The following CCDC62 variants were observed in gnomAD, a reference collection of about 807,000 sequenced individuals.
CCDC62 encodes coiled-coil domain containing 62, also known as coiled-coil domain-containing protein 62.
Under a neutral mutation model 80.8 loss-of-function variants are expected in CCDC62, and 72 were observed. That is an observed-to-expected ratio of 0.89 (90% CI 0.74 to 1.08). The LOEUF is 1.08. Ranked by LOEUF, CCDC62 falls within the 50% of genes least tolerant of loss-of-function variation. CCDC62 has a pLI of 0.00. For missense variants in CCDC62, 704 were observed against 809.4 expected (o/e 0.87, Z 1.58); for synonymous variants, 286 against 296.5 (o/e 0.96, Z 0.36).
Position 122,781,244 on chromosome 12 carries a change from C to T in CCDC62, c.310C>T (p.Gln104Ter). 6.2e-7 allele frequency: 1 copy of T among 1,613,750 alleles called. No individual in the cohort carries two copies. The highest frequency in any genetic ancestry group is 8.5e-7 in the Non-Finnish European group (1 of 1,179,702). ...TCTTGAATCCAATCAAATGGAATGCCAAACAGCTCTCCAAAAGACCCAACT... is the reference window on the plus strand; with the variant it reads ...TCTTGAATCCAATCAAATGGAATGCTAAACAGCTCTCCAAAAGACCCAACT... ...KALESNQMEC[Q>*]TALQKTQLQL... is the part of the protein sequence containing the mutation. Residue 104 changes from glutamine (Q) to a stop codon, truncating the protein, a stop_gained, in exon 3 of 13, where the codon CAA becomes TAA. Transcript: ENST00000253079. LOFTEE classifies it high-confidence loss of function.
At position 122,812,756 on chromosome 12, in the gene CCDC62, GGAGAGAGA is replaced by G. The variant is rs551370561; in HGVS notation, c.1852-497_1852-490del. On this transcript the variant is annotated intron_variant, in intron 10 of 12. Coordinates refer to ENST00000253079, the MANE Select transcript of CCDC62 (RefSeq NM_201435.5). ...AAAAAAGAAAGAGAGAGAGAGGGAG[GGAGAGAGA>G]GAGAGAGAGAGAGAGAAAGAAAGAA... Among the ~76,000 whole-genome samples the G allele has an allele frequency of 9.0e-5, 8 of 88,838 alleles. No individual in the cohort carries two copies. In the East Asian group the frequency reaches 1.0e-3, roughly 11 times the overall value. 58.3% of individuals were successfully genotyped at this position (88,838 alleles called of 152,430 possible).
chr12:122,817,303 A>C (rs1052868501), intron 11 of CCDC62, among the ~76,000 whole-genome samples: 1 of 147,906 alleles, frequency 6.8e-6, no homozygotes, highest in Non-Finnish European at 1.5e-5. Context: ...CTTGTGATCC[A>C]CCCGCCTCGG....
chr12:122,818,651 A>G (rs956586238), intron 11 of CCDC62, among the ~76,000 whole-genome samples: 13 of 150,860 alleles, frequency 8.6e-5, no homozygotes, highest in Admixed American at 6.6e-5. Context: ...AGCTGGGTGC[A>G]GTGACTCACA....
rs891039924 is a variant in CCDC62, at chr12:122,782,222, C to T, written c.396+892C>T. 2.0e-5 allele frequency among the ~76,000 whole-genome samples: 3 copies of T among 152,096 alleles called. No homozygotes were observed. The South Asian group carries it at 6.2e-4, about 32-fold the overall frequency. On this transcript the variant is annotated intron_variant, in intron 3 of 12. Transcript: ENST00000253079. Reference sequence around the variant, plus strand: ...ATGCAAAAATGCATACGTGTGTGTACGAAGGTATCTACACTCATCCACCCC... The same window carrying T: ...ATGCAAAAATGCATACGTGTGTGTATGAAGGTATCTACACTCATCCACCCC...
At position 122,801,738 on chromosome 12, in the gene CCDC62, A is replaced by G. The variant is rs1447819666; in HGVS notation, c.1592A>G (p.Asp531Gly). 12 of 1,614,186 alleles carry G rather than the reference A, an allele frequency of 7.4e-6. No homozygotes were observed. Among genetic ancestry groups the G allele is most frequent in the Non-Finnish European group, 1.0e-5 (12 of 1,180,032 alleles). ...FIIEAPGHMS[D>G]VEWMSIFKPS... ...ATTGAAGCCCCAGGCCACATGTCTG[A>G]CGTGGAGTGGATGAGTATTTTCAAG... The change falls in exon 9 of 13, where the codon GAC (aspartate) becomes GGC (glycine). Residue 531 changes from aspartate (D) to glycine (G), a missense_variant. Physicochemically the swap from Asp to Gly is moderately conservative, Grantham distance 94. Coordinates refer to ENST00000253079, the MANE Select transcript of CCDC62 (RefSeq NM_201435.5).
chr12:122,778,745 G>C (rs1879637162), intron 2 of CCDC62, among the ~76,000 whole-genome samples: 1 of 152,124 alleles, frequency 6.6e-6, no homozygotes, highest in South Asian at 2.1e-4. Context: ...GGGGCATGGT[G>C]GTGGGCGCCT....
At chr12:122,817,623 C>G (rs2032224273) in intron 11 of CCDC62, among the ~76,000 whole-genome samples, 1 of 152,132 alleles carries the variant, frequency 6.6e-6, no homozygotes, top group African/African-American at 2.4e-5. Flanking sequence ...TATGCCTGGC[C>G]CAAATTCACG....
At position 122,827,069 on chromosome 12, in the gene CCDC62, T is replaced by A. The variant is rs909788260; in HGVS notation, c.*688T>A. On this transcript the variant is annotated 3_prime_UTR_variant, in exon 13 of 13. Transcript: ENST00000253079. ...GAAGATCGAGTTTTAGACGCATTTT[T>A]AAAAATCTTAAAGACTAAAACACTT... 6 of 152,364 alleles carry A rather than the reference T, an allele frequency of 3.9e-5. No individual in the cohort carries two copies. Among genetic ancestry groups the A allele is most frequent in the African/African-American group, 9.6e-5 (4 of 41,588 alleles). 9.4% of individuals were successfully genotyped at this position (152,364 alleles called of 1,614,324 possible).
chr12:122,811,951 C>T (rs2031911367), intron 10 of CCDC62, among the ~76,000 whole-genome samples: 1 of 150,740 alleles, frequency 6.6e-6, no homozygotes, highest in African/African-American at 2.4e-5. Flanking sequence ...AACGAAGGCA[C>T]ATACCCACAT....
intron 10 of CCDC62, 107 bp from the exon 11 acceptor site, chr12:122,813,163 C>T (rs943997443): frequency 2.5e-6 from 3 of 1,221,794 alleles, no homozygotes; most frequent in Non-Finnish European, 3.4e-6. Flanking sequence ...TGCACTTCAG[C>T]CTGGGCGTCA....
At chr12:122,803,076 C>T (rs2135563230) in intron 9 of CCDC62, among the ~76,000 whole-genome samples, 1 of 152,120 alleles carries the variant, frequency 6.6e-6, no homozygotes, top group African/African-American at 2.4e-5. Flanking sequence ...GATGAGGTGA[C>T]ACGATATTGC....
intron 9 of CCDC62, among the ~76,000 whole-genome samples, chr12:122,804,846 C>T (rs896357830): frequency 6.6e-6 from 1 of 151,162 alleles, no homozygotes; most frequent in African/African-American, 2.4e-5. Flanking sequence ...TCCCAGGTAG[C>T]CAAGACTACG....
chr12:122,795,867 A>G (rs1382556901), intron 6 of CCDC62, among the ~76,000 whole-genome samples: 1 of 152,208 alleles, frequency 6.6e-6, no homozygotes, highest in Non-Finnish European at 1.5e-5. Flanking sequence ...CCCAGGCGGT[A>G]AAAGGCAGAG....
chr12:122,824,864 C>T (rs2032552314), intron 12 of CCDC62, among the ~76,000 whole-genome samples: 2 of 152,028 alleles, frequency 1.3e-5, no homozygotes, highest in African/African-American at 2.4e-5. Flanking sequence ...GCAGGCAGAT[C>T]ACCTGAGGTC....
At chr12:122,806,940 C>T (rs867437660) in intron 10 of CCDC62, among the ~76,000 whole-genome samples, 5 of 151,980 alleles carry the variant, frequency 3.3e-5, no homozygotes, top group Middle Eastern at 3.4e-3. Context: ...CTCAGCTGCC[C>T]CTTCCTCCAA....
chr12:122,799,935 G>A lies in CCDC62; in HGVS notation c.978-1189G>A, dbSNP rs935833735. On this transcript the variant is annotated intron_variant, in intron 8 of 12. Transcript: ENST00000253079. The stretch of plus-strand genomic sequence containing the variant: ...GTCCTAGCTGCTGCCGCTGCCACCA[G>A]ACACCAGACTAACTCAGAGCTCTCT... 3.0e-4 allele frequency among the ~76,000 whole-genome samples: 45 copies of A among 151,522 alleles called. 1 individual carries two copies. The highest frequency in any genetic ancestry group is 2.5e-3 in the Admixed American group (38 of 15,226).
intron 6 of CCDC62, among the ~76,000 whole-genome samples, chr12:122,793,798 G>A (rs926605502): frequency 7.9e-5 from 12 of 152,160 alleles, no homozygotes; most frequent in African/African-American, 2.9e-4. Context: ...TTAATCTCTT[G>A]TGATTAAAGA....
intron 6 of CCDC62, among the ~76,000 whole-genome samples, chr12:122,795,671 A>G (rs540675987): frequency 1.0e-3 from 159 of 151,858 alleles, no homozygotes; most frequent in Middle Eastern, 3.5e-3. Flanking sequence ...TGATCTGCCC[A>G]CCTTGGCCTC....
At chr12:122,781,421 C>T (rs1879856328) in intron 3 of CCDC62, 91 bp downstream of exon 3, 2 of 1,258,560 alleles carry the variant, frequency 1.6e-6, no homozygotes, top group East Asian at 2.4e-5. Context: ...CACGGTGGCT[C>T]ACTCCTGTAA....
Sources: gnomAD v4.1 joint callset for allele counts (sites outside exome capture counted in the v4.1 genomes callset) on GRCh38, gnomAD v4.1.1 for gene constraint, MANE v1.5 for transcripts, NCBI Gene and HGNC (gene_info 2026-07-23, HGNC 2026-07-21) for gene names.